TCF4: variants seen among roughly 807,000 people sequenced by gnomAD.
The protein encoded by TCF4 is transcription factor 4.
In TCF4, 3 loss-of-function variants were observed where a neutral mutation model predicts 82.1. The ratio of observed to expected loss-of-function variants is 0.04; its 90% confidence interval spans 0.02 to 0.09. The LOEUF is 0.09. TCF4 is among the 10% of genes least tolerant of loss of function. The pLI is 1.00. For synonymous variants in TCF4, 276 were observed against 309.6 expected (o/e 0.89, Z 1.14); for missense variants, 518 against 852.7 (o/e 0.61, Z 4.89).
chr18:55,243,548 A>G (rs958626078), intron 15 of TCF4, among the ~76,000 whole-genome samples: 2 of 152,202 alleles, frequency 1.3e-5, no homozygotes, highest in Non-Finnish European at 2.9e-5. Context: ...CATTAAGAGT[A>G]GCATTAAATC....
chr18:55,537,863 T>G (rs1400893103), intron 3 of TCF4, among the ~76,000 whole-genome samples: 2 of 152,130 alleles, frequency 1.3e-5, no homozygotes, highest in African/African-American at 2.4e-5. Flanking sequence ...CCTCCCAGCC[T>G]TCTATGGGAC....
chr18:55,441,105 A>T (rs1203187890), intron 5 of TCF4, among the ~76,000 whole-genome samples: 3 of 152,210 alleles, frequency 2.0e-5, no homozygotes, highest in Non-Finnish European at 4.4e-5. Flanking sequence ...TTTGCTATGA[A>T]AAGCATCATT....
At position 55,223,766 on chromosome 18, in the gene TCF4, C is replaced by T. The variant is rs2046218033; in HGVS notation, c.*4269G>A. ...TTAATGCTGCAGCTATGTGTACAGT[C>T]GCAAAAAATTTCCCCGCTGCGACCT... On this transcript the variant is annotated 3_prime_UTR_variant, in exon 20 of 20. Transcript: ENST00000354452. 1 of 140,792 alleles carries T rather than the reference C, an allele frequency of 7.1e-6. No individual in the cohort carries two copies. Among genetic ancestry groups the T allele is most frequent in the Admixed American group, 7.6e-5 (1 of 13,220 alleles). 8.7% of individuals were successfully genotyped at this position (140,792 alleles called of 1,614,324 possible).
At position 55,633,817 on chromosome 18, in the gene TCF4, A is replaced by G. The variant is rs2097733653; in HGVS notation, c.195+1886T>C. On this transcript the variant is annotated intron_variant, in intron 1 of 20. Transcript: ENST00000398339. This position sits in a 1 kb window ranked among gnomAD's most constrained non-coding sequence, Gnocchi z 4.0. Reference sequence around the variant, plus strand: ...TAGGTCTGTGGGCTATAGTTTGTCAACCCTTGATATAGAGCATAGCCAGGA... The same window carrying G: ...TAGGTCTGTGGGCTATAGTTTGTCAGCCCTTGATATAGAGCATAGCCAGGA... 2.0e-5 allele frequency among the ~76,000 whole-genome samples: 3 copies of G among 152,112 alleles called. No individual in the cohort carries two copies. Among genetic ancestry groups the G allele is most frequent in the Admixed American group, 6.6e-5 (1 of 15,260 alleles).
chr18:55,414,212 T>A (rs2094449800), intron 5 of TCF4, among the ~76,000 whole-genome samples: 1 of 152,154 alleles, frequency 6.6e-6, no homozygotes, highest in South Asian at 2.1e-4. Flanking sequence ...TTTGACAATG[T>A]TAAATCAAAG....
chr18:55,234,166 T>C (rs1294797967), intron 16 of TCF4, among the ~76,000 whole-genome samples: 1 of 152,142 alleles, frequency 6.6e-6, no homozygotes, highest in African/African-American at 2.4e-5. Context: ...TTTCCTTCCA[T>C]CTTAAACAAC....
chr18:55,482,119 C>T (rs2096445982), intron 3 of TCF4: 1 of 152,170 alleles, frequency 6.6e-6, no homozygotes, highest in South Asian at 2.1e-4. Flanking sequence ...ACTATATTAG[C>T]AAGGACAAAA....
At chr18:55,346,641 C>T (rs539436422) in intron 8 of TCF4, among the ~76,000 whole-genome samples, 96 of 152,158 alleles carry the variant, frequency 6.3e-4, no homozygotes, top group African/African-American at 2.2e-3. Context: ...AGATGCAAAT[C>T]GGATTACAAG....
intron 6 of TCF4, among the ~76,000 whole-genome samples, chr18:55,384,581 T>C: frequency 6.6e-6 from 1 of 152,168 alleles, no homozygotes; most frequent in Admixed American, 6.5e-5. Flanking sequence ...ACTAACCTAT[T>C]CAGAGCTGGT....
intron 3 of TCF4, among the ~76,000 whole-genome samples, chr18:55,573,478 A>G (rs1199591680): frequency 6.6e-6 from 1 of 152,212 alleles, no homozygotes; most frequent in Non-Finnish European, 1.5e-5. Flanking sequence ...GGCCACCCAC[A>G]GTGACTCCCC....
chr18:55,466,474 G>A (rs2096022093), intron 3 of TCF4, among the ~76,000 whole-genome samples: 1 of 152,156 alleles, frequency 6.6e-6, no homozygotes, highest in East Asian at 1.9e-4. Context: ...TCCAACCTAG[G>A]CAACTGAGTG....
chr18:55,228,294 A>T lies in TCF4; in HGVS notation c.1947T>A (p.Pro649=). The T allele has an allele frequency of 6.2e-7, 1 of 1,613,810 alleles. No individual in the cohort carries two copies. Among genetic ancestry groups the T allele is most frequent in the Non-Finnish European group, 8.5e-7 (1 of 1,179,946 alleles). Residue 649 remains proline (P), a synonymous_variant, in exon 19 of 20, where the codon CCT becomes CCA. Coordinates refer to ENST00000354452, the MANE Select transcript of TCF4 (RefSeq NM_001083962.2). ...GTGGGCCGGCCAAGGAGAGAGGGGG[A>T]GGCTCTGAGGACACCTTCTCTTCCT... ...RREEEKVSSE[P]PPLSLAGPHP...
chr18:55,601,812 A>G (rs2097697335), intron 2 of TCF4, among the ~76,000 whole-genome samples: 1 of 152,182 alleles, frequency 6.6e-6, no homozygotes, highest in Admixed American at 6.5e-5. Context: ...GGTCGGCTTC[A>G]AGGTGACAAG....
At chr18:55,552,469 TC>T (rs1417311645) in intron 3 of TCF4, among the ~76,000 whole-genome samples, 1 of 152,220 alleles carries the variant, frequency 6.6e-6, no homozygotes, top group Admixed American at 6.5e-5. Context: ...ACCAATTTTT[TC>T]AATGCTAAGA....
chr18:55,372,394 C>T (rs2089496064), intron 6 of TCF4, among the ~76,000 whole-genome samples: 1 of 151,712 alleles, frequency 6.6e-6, no homozygotes, highest in Non-Finnish European at 1.5e-5. Context: ...ATACATGGAG[C>T]TGGAGTGGAG....
chr18:55,494,157 G>GACACACACACACACAA (rs2096605208), intron 3 of TCF4, among the ~76,000 whole-genome samples: 1 of 147,622 alleles, frequency 6.8e-6, no homozygotes, highest in Non-Finnish European at 1.5e-5. Context: ...AAATATTATG[G>GACACACACACACACAA]ACACACACAC....
intron 3 of TCF4, among the ~76,000 whole-genome samples, chr18:55,508,787 A>G (rs1034159782): frequency 6.6e-6 from 1 of 152,196 alleles, no homozygotes; most frequent in Non-Finnish European, 1.5e-5. Flanking sequence ...GGAACACTTA[A>G]TAACAAACTG....
chr18:55,313,216 G>A (rs2073103669), intron 8 of TCF4, among the ~76,000 whole-genome samples: 4 of 152,118 alleles, frequency 2.6e-5, no homozygotes, highest in African/African-American at 7.2e-5. Context: ...TATTAACTCA[G>A]GAAAGAGTGA....
At chr18:55,348,069 GACCATGT>G (rs1251554936) in intron 8 of TCF4, among the ~76,000 whole-genome samples, 6 of 152,118 alleles carry the variant, frequency 3.9e-5, no homozygotes, top group Non-Finnish European at 8.8e-5. Context: ...AGAAAAGTGT[GACCATGT>G]CTACTGCAGA....
Sources: gnomAD v4.1 joint callset for allele counts (sites outside exome capture counted in the v4.1 genomes callset) on GRCh38, gnomAD v4.1.1 for gene constraint, Gnocchi (gnomAD v3.1) non-coding constraint, MANE v1.5 for transcripts, NCBI Gene and HGNC (gene_info 2026-07-23, HGNC 2026-07-21) for gene names.